SETDB1: variants seen among roughly 807,000 people sequenced by gnomAD.
SETDB1 encodes the protein SET domain bifurcated histone lysine methyltransferase 1, also known as histone-lysine N-methyltransferase SETDB1.
SETDB1 carries 31 observed loss-of-function variants against 137.4 expected under a neutral mutation model. The ratio of observed to expected loss-of-function variants is 0.23; its 90% confidence interval spans 0.17 to 0.30. The LOEUF is 0.30. Ranked by LOEUF, SETDB1 falls within the 10% of genes least tolerant of loss-of-function variation. SETDB1 has a pLI of 1.00. For synonymous variants in SETDB1, 548 were observed against 579.9 expected, an observed-to-expected ratio of 0.95 and a Z score of 0.79; for missense variants, 1,113 against 1,631.5, an observed-to-expected ratio of 0.68 and a Z score of 5.47.
chr1:150,957,254 G>C (rs907224021), intron 14 of SETDB1, among the ~76,000 whole-genome samples: 1 of 152,130 alleles, frequency 6.6e-6, no homozygotes, highest in Non-Finnish European at 1.5e-5. Flanking sequence ...TATAATCCCA[G>C]CTACTTGGGA....
chr1:150,928,767 C>T (rs918419384), intron 2 of SETDB1, among the ~76,000 whole-genome samples: 4 of 152,076 alleles, frequency 2.6e-5, no homozygotes, highest in African/African-American at 9.7e-5. Flanking sequence ...ACGACAGGCC[C>T]CAGTATGTGA....
At chr1:150,940,776 G>A (rs1239459939) in intron 4 of SETDB1, among the ~76,000 whole-genome samples, 1 of 151,710 alleles carries the variant, frequency 6.6e-6, no homozygotes, top group Non-Finnish European at 1.5e-5. Flanking sequence ...GAGGCGGGTG[G>A]AACACGAGGT....
At chr1:150,956,073 CAGA>C (rs969237548) in intron 14 of SETDB1, among the ~76,000 whole-genome samples, 8 of 120,476 alleles carry the variant, frequency 6.6e-5, no homozygotes, top group Admixed American at 4.1e-4. Context: ...GCCTGGGCGA[CAGA>C]AGGAGACTTC....
At position 150,945,082 on chromosome 1, in the gene SETDB1, G is replaced by A. The variant is rs1670282467; in HGVS notation, c.1114G>A (p.Gly372Ser). ...WWKSRVEEVD[G>S]SLVRILFLDD... ...GAAGTCCCGAGTTGAGGAGGTGGAT[G>A]GCAGCCTAGTCAGGATCCTCTTCCT... Residue 372 changes from glycine to serine, a missense_variant, in exon 9 of 22, where the codon GGC becomes AGC. Gly to Ser is a moderately conservative substitution (Grantham distance 56). This residue lies in a region of SETDB1 where 154 missense variants were observed against 303.1 expected (regional missense o/e 0.51). Coordinates refer to ENST00000692827, the MANE Select transcript of SETDB1 (RefSeq NM_001366418.1). 6.2e-7 allele frequency: 1 copy of A among 1,614,068 alleles called. No homozygotes were observed. Among genetic ancestry groups the A allele is most frequent in the East Asian group, 2.2e-5 (1 of 44,886 alleles).
intron 3 of SETDB1, among the ~76,000 whole-genome samples, chr1:150,930,946 T>G (rs974974141): frequency 1.3e-5 from 2 of 152,112 alleles, no homozygotes; most frequent in African/African-American, 4.8e-5. Flanking sequence ...CACTAAAACC[T>G]TCAGTACAGT....
intron 3 of SETDB1, among the ~76,000 whole-genome samples, chr1:150,931,337 G>C (rs934979774): frequency 6.8e-6 from 1 of 147,598 alleles, no homozygotes; most frequent in Non-Finnish European, 1.5e-5. Context: ...TGTAATCCCA[G>C]CACTTTGGGA....
rs765631676 is a variant in SETDB1 at position 150,963,195 on chromosome 1, G to A, written c.3460+56G>A. The stretch of plus-strand genomic sequence containing the variant: ...AAGAAATAGTAAGAAACTTGGGATA[G>A]AGCATTTTTTAAGGAAGCTAAAGAA... On this transcript the variant is annotated intron_variant, in intron 19 of 21. Transcript: ENST00000692827. The A allele has an allele frequency of 5.3e-6, 8 of 1,521,524 alleles. No individual in the cohort carries two copies. In the Admixed American group the frequency reaches 1.5e-4, roughly 29 times the overall value. The allele number at this position is 1,521,524 out of a possible 1,614,324, so 94.3% of individuals were successfully genotyped here.
intron 14 of SETDB1, among the ~76,000 whole-genome samples, chr1:150,957,972 A>T (rs1670698667): frequency 6.6e-6 from 1 of 152,162 alleles, no homozygotes; most frequent in African/African-American, 2.4e-5. Context: ...GGATCACATG[A>T]GGTCGGGAAT....
rs748907013 is a variant in SETDB1 at position 150,927,964 on chromosome 1, G to A, written c.250G>A (p.Asp84Asn). 2 of 1,614,178 alleles carry A rather than the reference G, an allele frequency of 1.2e-6. No individual in the cohort carries two copies. Among genetic ancestry groups the A allele is most frequent in the Admixed American group, 3.3e-5 (2 of 60,028 alleles). The stretch of plus-strand genomic sequence containing the variant: ...GGCTCACGTTGACCAACTCTTTGAT[G>A]ATGCATCCAGGTGAGAACTCCATGG... ...EVAHVDQLFD[D>N]ASRAVTNCES... Residue 84 changes from aspartate to asparagine, a missense_variant, in exon 2 of 22, where the codon GAT becomes AAT. This residue lies in a region of SETDB1 where 159 missense variants were observed against 188.6 expected (regional missense o/e 0.84). Coordinates refer to ENST00000692827, the MANE Select transcript of SETDB1 (RefSeq NM_001366418.1).
intron 14 of SETDB1, among the ~76,000 whole-genome samples, chr1:150,958,908 T>A (rs956775658): frequency 2.0e-5 from 3 of 152,168 alleles, no homozygotes; most frequent in African/African-American, 4.8e-5. Flanking sequence ...TGTTAGGCAC[T>A]CTAGCATTCA....
intron 14 of SETDB1, among the ~76,000 whole-genome samples, chr1:150,954,796 T>A (rs1670594524): frequency 6.6e-6 from 1 of 152,172 alleles, no homozygotes; most frequent in Non-Finnish European, 1.5e-5. Context: ...GCTAAATACA[T>A]TTTTTTAGAC....
intron 4 of SETDB1, among the ~76,000 whole-genome samples, chr1:150,940,522 C>T (rs1354611723): frequency 1.3e-5 from 2 of 148,436 alleles, no homozygotes; most frequent in African/African-American, 2.5e-5. Context: ...GAGCTGAGAT[C>T]GCACCACCGC....
At chr1:150,957,654 G>A (rs894258028) in intron 14 of SETDB1, among the ~76,000 whole-genome samples, 1 of 152,174 alleles carries the variant, frequency 6.6e-6, no homozygotes, top group Non-Finnish European at 1.5e-5. Context: ...ATGTTGGTAT[G>A]TGCTAGATCC....
intron 3 of SETDB1, among the ~76,000 whole-genome samples, chr1:150,933,497 T>G (rs1211147716): frequency 6.7e-6 from 1 of 150,066 alleles, no homozygotes; most frequent in Non-Finnish European, 1.5e-5. Context: ...CTGTCTCAGC[T>G]TCCTGAGTAG....
intron 14 of SETDB1, among the ~76,000 whole-genome samples, chr1:150,954,330 CAA>C (rs942086364): frequency 6.6e-5 from 10 of 152,062 alleles, no homozygotes; most frequent in Non-Finnish European, 1.2e-4. Context: ...ATCTCTAAAA[CAA>C]GAGGAGGACA....
chr1:150,931,133 C>A (rs1669722073), intron 3 of SETDB1, among the ~76,000 whole-genome samples: 1 of 151,336 alleles, frequency 6.6e-6, no homozygotes, highest in South Asian at 2.1e-4. Flanking sequence ...GGTGGTGCAC[C>A]CCAGTAATCC....
At chr1:150,958,184 C>T (rs1320379072) in intron 14 of SETDB1, among the ~76,000 whole-genome samples, 3 of 84,326 alleles carry the variant, frequency 3.6e-5, no homozygotes, top group Admixed American at 1.3e-4. Flanking sequence ...ACTCTGTCTC[C>T]AAAAAAAAAA....
rs1299786967 is a variant in SETDB1 at position 150,950,630 on chromosome 1, C to A, written c.1756C>A (p.Arg586=). 1.2e-6 allele frequency: 2 copies of A among 1,613,990 alleles called. No homozygotes were observed. Among genetic ancestry groups the A allele is most frequent in the Non-Finnish European group, 1.7e-6 (2 of 1,180,028 alleles). The change falls in exon 13 of 22, where the codon CGA becomes AGA. Residue 586 remains arginine, a synonymous_variant. Transcript: ENST00000692827. ...PHVCSYTCLS[R]VRPMRNEQYR... is the part of the protein sequence containing the mutation. ...TGTCTGCAGCTATACCTGTCTGTCT[C>A]GAGTCAGACCTATGAGGAATGAGCA...
chr1:150,956,811 CTT>C (rs1558024692), intron 14 of SETDB1, among the ~76,000 whole-genome samples: 3 of 150,642 alleles, frequency 2.0e-5, no homozygotes, highest in Non-Finnish European at 3.0e-5. Flanking sequence ...GGGAAATAAT[CTT>C]TTTTAAAGTT....
Sources: allele counts gnomAD v4.1 joint callset (sites outside exome capture counted in the v4.1 genomes callset), GRCh38; gene constraint gnomAD v4.1.1; regional missense constraint gnomAD v4.1.1; transcripts MANE v1.5; gene names NCBI Gene and HGNC (gene_info 2026-07-23, HGNC 2026-07-21).